The following PSMC1 variants were observed in gnomAD, a reference collection of about 807,000 sequenced individuals.
PSMC1 encodes the protein proteasome 26S subunit, ATPase 1.
A neutral mutation model predicts 49.8 loss-of-function variants in PSMC1; 5 were observed. The ratio of observed to expected loss-of-function variants is 0.10; its 90% CI spans 0.05 to 0.21. The LOEUF is 0.21. PSMC1 is among the 10% of genes least tolerant of loss of function. The pLI, the probability that PSMC1 is intolerant of heterozygous loss-of-function variation, is 1.00. For synonymous variants in PSMC1, 155 were observed against 192.1 expected, an observed-to-expected ratio of 0.81 and a Z score of 1.60; for missense variants, 181 against 535.7, an observed-to-expected ratio of 0.34 and a Z score of 6.54.
chr14:90,274,019 T>TAACA lies in PSMC1; in HGVS notation c.*1613_*1616dup, dbSNP rs1891735149. On this transcript the variant is annotated 3_prime_UTR_variant, in exon 11 of 11. Coordinates refer to ENST00000261303, the MANE Select transcript of PSMC1 (RefSeq NM_002802.3). The stretch of plus-strand genomic sequence containing the variant: ...TATCTGCAAAGTTCCTTTTGCCATG[T>TAACA]AACATTCACACGTTCCAGGGCTTAG... The TAACA allele has an allele frequency of 6.5e-6, 1 of 154,902 alleles. No homozygotes were observed. The highest frequency in any genetic ancestry group is 2.4e-5 in the African/African-American group (1 of 41,538). 9.6% of individuals were successfully genotyped at this position (154,902 alleles called of 1,614,324 possible).
chr14:90,266,377 C>T (rs192233904), intron 7 of PSMC1, among the ~76,000 whole-genome samples: 1 of 152,308 alleles, frequency 6.6e-6, no homozygotes, highest in Admixed American at 6.5e-5. Context: ...AGAGAATTGA[C>T]AGTGTTCCTA....
At chr14:90,266,109 G>C (rs938873384) in intron 7 of PSMC1, among the ~76,000 whole-genome samples, 2 of 151,978 alleles carry the variant, frequency 1.3e-5, no homozygotes, top group Non-Finnish European at 2.9e-5. Flanking sequence ...TACAAAACTA[G>C]CCAGGTGTGG....
In PSMC1 at chr14:90,267,279, A is replaced by G. The variant is rs149029385; in HGVS notation, c.692-945A>G. Among the ~76,000 whole-genome samples the G allele has an allele frequency of 3.0e-3, 462 of 152,002 alleles. 1 individual carries two copies. The highest frequency in any genetic ancestry group is 0.01 in the African/African-American group (429 of 41,450). On this transcript the variant is annotated intron_variant, in intron 7 of 10. Coordinates refer to ENST00000261303, the MANE Select transcript of PSMC1 (RefSeq NM_002802.3). ...CGGGTTCAAGCAATTCTCCTGCCTC[A>G]GCCTCCCGAGTAGCTAGGATTACAG...
intron 6 of PSMC1, 111 bp downstream of exon 6, chr14:90,264,280 G>T: frequency 2.1e-6 from 3 of 1,452,970 alleles, no homozygotes; most frequent in Non-Finnish European, 2.8e-6. Flanking sequence ...CAAACCAGTA[G>T]CTGAGTCAGA....
intron 7 of PSMC1, among the ~76,000 whole-genome samples, chr14:90,266,044 C>T (rs1891505011): frequency 6.6e-6 from 1 of 151,712 alleles, no homozygotes; most frequent in African/African-American, 2.4e-5. Flanking sequence ...TGACTTGAGG[C>T]CAGGAGTTCA....
At chr14:90,259,602 A>G (rs540516924) in intron 2 of PSMC1, among the ~76,000 whole-genome samples, 1 of 151,170 alleles carries the variant, frequency 6.6e-6, no homozygotes, top group Admixed American at 6.7e-5. Flanking sequence ...ACTTATGTGT[A>G]TGGTAAAACG....
At position 90,265,054 on chromosome 14, in the gene PSMC1, A is replaced by G; in HGVS notation, c.595-16A>G. Reference sequence around the variant, plus strand: ...ATAATTTCAGTAAAGCCTTTCATTCATACTGTTTTTCATAGGAATCTGTGG... The same window carrying G: ...ATAATTTCAGTAAAGCCTTTCATTCGTACTGTTTTTCATAGGAATCTGTGG... On this transcript the variant is annotated splice_polypyrimidine_tract_variant and intron_variant, in intron 6 of 10. Coordinates refer to ENST00000261303, the MANE Select transcript of PSMC1 (RefSeq NM_002802.3). 6.4e-7 allele frequency: 1 copy of G among 1,566,590 alleles called. No individual in the cohort carries two copies. Among genetic ancestry groups the G allele is most frequent in the Non-Finnish European group, 8.8e-7 (1 of 1,138,746 alleles).
intron 10 of PSMC1, chr14:90,271,356 T>C (rs1051255753): frequency 6.6e-6 from 1 of 152,178 alleles, no homozygotes; most frequent in Non-Finnish European, 1.5e-5. Context: ...GCTGTCCTTC[T>C]CTATCTATTT....
chr14:90,264,697 A>G (rs1223662467), intron 6 of PSMC1, among the ~76,000 whole-genome samples: 1 of 152,218 alleles, frequency 6.6e-6, no homozygotes, highest in Non-Finnish European at 1.5e-5. Context: ...GCTGAGAAAT[A>G]GCTGTAATGT....
intron 1 of PSMC1, among the ~76,000 whole-genome samples, chr14:90,257,515 T>A (rs193076377): frequency 1.1e-4 from 16 of 152,196 alleles, no homozygotes; most frequent in African/African-American, 3.9e-4. Flanking sequence ...AGGCAGAAGA[T>A]ACAGCAAGTG....
chr14:90,266,825 G>A (rs773007441), intron 7 of PSMC1, among the ~76,000 whole-genome samples: 112 of 152,286 alleles, frequency 7.4e-4, no homozygotes, highest in Non-Finnish European at 8.8e-4. Flanking sequence ...TGCTTTCAGG[G>A]AGCAGTCCAG....
chr14:90,258,043 G>A (rs1447617489), intron 1 of PSMC1, among the ~76,000 whole-genome samples: 2 of 152,200 alleles, frequency 1.3e-5, no homozygotes, highest in Non-Finnish European at 2.9e-5. Context: ...AAGTGGCTGT[G>A]CTGGAACACA....
chr14:90,259,299 G>C, intron 2 of PSMC1, 86 bp downstream of exon 2: 1 of 1,309,138 alleles, frequency 7.6e-7, no homozygotes, highest in Non-Finnish European at 1.1e-6. Flanking sequence ...GGGGATTCAT[G>C]AATTTTAAAA....
chr14:90,272,451 A>T lies in PSMC1; in HGVS notation c.*44A>T, dbSNP rs143801192. ...AGGAAAATGGTTGGGAGATTTCTCA[A>T]TCCCTGAAAGGGATGAGGTTGGGGG... is the stretch of plus-strand genomic sequence containing the variant. On this transcript the variant is annotated 3_prime_UTR_variant, in exon 11 of 11. Transcript: ENST00000261303. This position sits in a 1 kb window ranked among gnomAD's most constrained non-coding sequence, Gnocchi z 4.5. 1.9e-4 allele frequency: 287 copies of T among 1,495,048 alleles called. 1 individual carries two copies. In the African/African-American group the frequency reaches 3.7e-3, roughly 20 times the overall value. The allele number at this position is 1,495,048 out of a possible 1,614,324, so 92.6% of individuals were successfully genotyped here. A position where few individuals can be genotyped will look rare whatever the true frequency, so the allele number is the denominator to read the frequency against.
At chr14:90,258,058 C>T (rs908523371) in intron 1 of PSMC1, among the ~76,000 whole-genome samples, 1 of 152,062 alleles carries the variant, frequency 6.6e-6, no homozygotes, top group Non-Finnish European at 1.5e-5. Flanking sequence ...AACACAAGCC[C>T]CATCGTTTTT....
chr14:90,275,195 G>A lies in PSMC1; in HGVS notation c.*2788G>A, dbSNP rs959430305. ...CTTCCAATCAGAAGGAGACCAAAGA[G>A]ATGACAACCAAGTGCAGCTCCTGCT... On this transcript the variant is annotated 3_prime_UTR_variant, in exon 11 of 11. Transcript: ENST00000261303. The A allele has an allele frequency of 2.6e-5, 4 of 152,156 alleles. No homozygotes were observed. The highest frequency in any genetic ancestry group is 9.7e-5 in the African/African-American group (4 of 41,426). The allele number at this position is 152,156 out of a possible 1,614,324, so 9.4% of individuals were successfully genotyped here. A position where few individuals can be genotyped will look rare whatever the true frequency, so the allele number is the denominator to read the frequency against.
At chr14:90,270,046 A>G (rs187758587) in intron 9 of PSMC1, 152 bp from the exon 10 acceptor site, 8 of 761,838 alleles carry the variant, frequency 1.1e-5, no homozygotes, top group Admixed American at 3.1e-5. Context: ...AACTACAAAA[A>G]TATATGTTTA....
intron 7 of PSMC1, among the ~76,000 whole-genome samples, chr14:90,265,565 T>C (rs1044595447): frequency 3.3e-5 from 5 of 151,708 alleles, no homozygotes; most frequent in African/African-American, 1.2e-4. Flanking sequence ...GACGTGCGCC[T>C]GTAGTCCCGG....
intron 6 of PSMC1, among the ~76,000 whole-genome samples, chr14:90,264,596 T>A (rs1233925297): frequency 6.6e-6 from 1 of 152,130 alleles, no homozygotes; most frequent in East Asian, 1.9e-4. Flanking sequence ...GGGCATATGG[T>A]CATTGAGGAT....
Sources: allele counts gnomAD v4.1 joint callset (sites outside exome capture counted in the v4.1 genomes callset), GRCh38; gene constraint gnomAD v4.1.1; non-coding constraint Gnocchi (gnomAD v3.1); transcripts MANE v1.5; gene names NCBI Gene and HGNC (gene_info 2026-07-23, HGNC 2026-07-21).